The following SIL1 variants were observed in gnomAD, a reference collection of about 807,000 sequenced individuals.
SIL1 encodes SIL1 nucleotide exchange factor, also known as nucleotide exchange factor SIL1.
In SIL1, 40 loss-of-function variants were observed where a neutral mutation model predicts 49.1. The ratio of observed to expected loss-of-function variants is 0.81; its 90% CI spans 0.63 to 1.06. SIL1 has a LOEUF of 1.06. SIL1 is among the 50% of genes least tolerant of loss of function. The probability of loss-of-function intolerance (pLI) is 0.00; values close to 1 mark genes in which losing one functional copy is unlikely to be tolerated. For missense variants in SIL1, 500 were observed against 572.6 expected (o/e 0.87, Z 1.29); for synonymous variants, 253 against 250.8 (o/e 1.01, Z -0.08).
chr5:139,005,452 TC>T (rs1183897356), intron 7 of SIL1, among the ~76,000 whole-genome samples: 1 of 150,098 alleles, frequency 6.7e-6, no homozygotes, highest in Non-Finnish European at 1.5e-5. Flanking sequence ...TATTTTTTCT[TC>T]CTTTTTTTTT....
intron 1 of SIL1, among the ~76,000 whole-genome samples, chr5:139,167,972 C>G (rs1388038361): frequency 6.6e-6 from 1 of 152,172 alleles, no homozygotes; most frequent in East Asian, 1.9e-4. Context: ...ATGTGACACC[C>G]GTGTGCAGCT....
chr5:139,052,327 A>C (rs1200951520), intron 3 of SIL1, among the ~76,000 whole-genome samples: 1 of 152,154 alleles, frequency 6.6e-6, no homozygotes, highest in Non-Finnish European at 1.5e-5. Context: ...TACTTTAAAA[A>C]ATGGGAACCT....
chr5:139,077,671 G>A (rs1035009925), intron 3 of SIL1, among the ~76,000 whole-genome samples: 4 of 152,092 alleles, frequency 2.6e-5, no homozygotes, highest in Non-Finnish European at 4.4e-5. Flanking sequence ...AACCTGAAAG[G>A]GCAGAGTAGA....
At chr5:139,004,562 C>T (rs528119244) in intron 7 of SIL1, among the ~76,000 whole-genome samples, 1 of 152,222 alleles carries the variant, frequency 6.6e-6, no homozygotes, top group African/African-American at 2.4e-5. Context: ...CTATGCTGCA[C>T]TTTAGGTAAT....
chr5:139,005,175 C>T (rs1768082691), intron 7 of SIL1, among the ~76,000 whole-genome samples: 1 of 152,052 alleles, frequency 6.6e-6, no homozygotes, highest in Non-Finnish European at 1.5e-5. Context: ...CAAGATTAGT[C>T]ATTCCAGAAT....
At chr5:139,120,829 A>G (rs974675593) in intron 3 of SIL1, among the ~76,000 whole-genome samples, 10 of 152,216 alleles carry the variant, frequency 6.6e-5, no homozygotes, top group African/African-American at 2.4e-4. Context: ...CCTTCCTTCC[A>G]GGGCACTAAG....
chr5:139,131,729 T>C (rs1218241800), intron 1 of SIL1: 1 of 152,148 alleles, frequency 6.6e-6, no homozygotes, highest in Non-Finnish European at 1.5e-5. Context: ...CACCAGGCTC[T>C]GGATAGGTGA....
intron 4 of SIL1, among the ~76,000 whole-genome samples, chr5:139,044,507 C>T (rs972531662): frequency 2.6e-5 from 4 of 152,212 alleles, no homozygotes; most frequent in African/African-American, 4.8e-5. Context: ...CGCACACACA[C>T]GAAACAGTCA....
rs371628676 is a variant in SIL1 at position 139,171,826 on chromosome 5, T to C, written c.-11+26443A>G. 4.6e-5 allele frequency among the ~76,000 whole-genome samples: 7 copies of C among 151,788 alleles called. No homozygotes were observed. In the East Asian group the frequency reaches 1.2e-3, roughly 25 times the overall value. On this transcript the variant is annotated intron_variant, in intron 1 of 9. Transcript: ENST00000394817. The stretch of plus-strand genomic sequence containing the variant: ...AGACTTTAAAGCAACAGCCTTAAAG[T>C]TGCTTAAAGAACTAAAGGAAGGCAT...
chr5:139,142,877 T>C (rs572240205), intron 1 of SIL1, among the ~76,000 whole-genome samples: 36 of 152,232 alleles, frequency 2.4e-4, no homozygotes, highest in African/African-American at 7.7e-4. Context: ...CACGCCATTC[T>C]CCTGCATCAG....
chr5:139,168,842 G>A (rs1024392821), intron 1 of SIL1, among the ~76,000 whole-genome samples: 8 of 151,698 alleles, frequency 5.3e-5, no homozygotes, highest in Non-Finnish European at 1.2e-4. Flanking sequence ...CGTGTCTGTA[G>A]TCCCAGTTAC....
At chr5:139,137,475 C>T (rs916974332) in intron 1 of SIL1, 1 of 565,612 alleles carries the variant, frequency 1.8e-6, no homozygotes, top group Non-Finnish European at 3.2e-6. Context: ...TTTATTTGTT[C>T]TGCAACAGTA....
At chr5:139,170,659 C>A (rs1330097625) in intron 1 of SIL1, among the ~76,000 whole-genome samples, 3 of 146,788 alleles carry the variant, frequency 2.0e-5, no homozygotes, top group Non-Finnish European at 4.4e-5. Flanking sequence ...AAGTGAGGAG[C>A]CCCTCCGCCC....
At chr5:139,149,878 A>G (rs574390812) in intron 1 of SIL1, among the ~76,000 whole-genome samples, 5 of 152,266 alleles carry the variant, frequency 3.3e-5, no homozygotes, top group Non-Finnish European at 7.4e-5. Flanking sequence ...CTTGCCAGAC[A>G]GGTTAGATAG....
Position 138,947,302 on chromosome 5 carries a change from G to C in SIL1, c.1201C>G (p.Leu401Val). The C allele has an allele frequency of 6.2e-7, 1 of 1,613,544 alleles. No homozygotes were observed. The highest frequency in any genetic ancestry group is 2.2e-5 in the East Asian group (1 of 44,886). The part of the protein sequence containing the change: ...HDAREKVLQT[L>V]GVLLTTCRDR... Reference sequence around the variant, plus strand: ...CGGCAGGTGGTCAGGAGGACGCCCAGTGTCTGCAGCACCTTCTCACGGGCA... The same window carrying C: ...CGGCAGGTGGTCAGGAGGACGCCCACTGTCTGCAGCACCTTCTCACGGGCA... Residue 401 changes from leucine (L) to valine (V), a missense_variant, in exon 10 of 10, where the codon CTG (leucine) becomes GTG (valine). Physicochemically the swap from Leu to Val is conservative, Grantham distance 32 (BLOSUM62 1). Coordinates refer to ENST00000394817, the MANE Select transcript of SIL1 (RefSeq NM_022464.5). This position sits in a 1 kb window ranked among gnomAD's most constrained non-coding sequence, Gnocchi z 4.1.
At chr5:138,952,263 T>C (rs183339852) in intron 7 of SIL1, among the ~76,000 whole-genome samples, 1 of 152,376 alleles carries the variant, frequency 6.6e-6, no homozygotes, top group Non-Finnish European at 1.5e-5. Context: ...CGGATGTTCC[T>C]TCCTCCATGA....
intron 7 of SIL1, among the ~76,000 whole-genome samples, chr5:138,958,881 A>G (rs1766957471): frequency 6.6e-6 from 1 of 152,158 alleles, no homozygotes; most frequent in Non-Finnish European, 1.5e-5. Flanking sequence ...TTCTACCTAA[A>G]AGAAGAGGTT....
intron 3 of SIL1, among the ~76,000 whole-genome samples, chr5:139,079,091 T>C (rs1008035632): frequency 1.3e-5 from 2 of 152,230 alleles, no homozygotes; most frequent in African/African-American, 4.8e-5. Flanking sequence ...CCATATCAGA[T>C]AGCACAGAAG....
At chr5:139,068,667 AAAAAAAAG>A (rs1457822099) in intron 3 of SIL1, among the ~76,000 whole-genome samples, 2 of 147,722 alleles carry the variant, frequency 1.4e-5, no homozygotes, top group Non-Finnish European at 3.0e-5. Context: ...AAAAAAAAAA[AAAAAAAAG>A]AAGAGAAAGC....
Sources: allele counts gnomAD v4.1 joint callset (sites outside exome capture counted in the v4.1 genomes callset), GRCh38; gene constraint gnomAD v4.1.1; non-coding constraint Gnocchi (gnomAD v3.1); transcripts MANE v1.5; gene names NCBI Gene and HGNC (gene_info 2026-07-23, HGNC 2026-07-21).